The following DNAH11 variants were observed in gnomAD, a reference collection of about 807,000 sequenced individuals.
DNAH11 encodes the protein dynein axonemal heavy chain 11.
In DNAH11, 442 loss-of-function variants were observed where a neutral mutation model predicts 526.0. That is an observed-to-expected ratio of 0.84 (90% CI 0.78 to 0.91). DNAH11 has a LOEUF of 0.91. Among genes scored for constraint, DNAH11 ranks in the 40% least tolerant of loss-of-function variants. The pLI, the probability that DNAH11 is intolerant of heterozygous loss-of-function variation, is 0.00. For synonymous variants in DNAH11, 2,461 were observed against 1,935.9 expected (o/e 1.27, Z -7.12); for missense variants, 6,989 against 5,448.7 (o/e 1.28, Z -8.90).
intron 29 of DNAH11, among the ~76,000 whole-genome samples, chr7:21,657,754 A>G (rs1190732250): frequency 1.3e-5 from 2 of 152,196 alleles, no homozygotes; most frequent in African/African-American, 2.4e-5. Flanking sequence ...GCATGTTAAC[A>G]AAGCACAGTT....
intron 57 of DNAH11, among the ~76,000 whole-genome samples, chr7:21,783,781 G>A (rs1055312757): frequency 4.6e-5 from 7 of 152,160 alleles, no homozygotes; most frequent in African/African-American, 1.7e-4. Flanking sequence ...CACAAGAGGA[G>A]AGTGGGTATC....
At chr7:21,741,788 A>G in intron 48 of DNAH11, 139 bp from the exon 49 acceptor site, 1 of 953,072 alleles carries the variant, frequency 1.0e-6, no homozygotes, top group South Asian at 1.8e-5. Context: ...CACATGGCCA[A>G]CCCCAGAGTC....
At chr7:21,689,223 C>G (rs1269583194) in intron 34 of DNAH11, among the ~76,000 whole-genome samples, 1 of 152,152 alleles carries the variant, frequency 6.6e-6, no homozygotes, top group Non-Finnish European at 1.5e-5. Context: ...AGCTTTTAGT[C>G]AAAATCTTTT....
At position 21,710,641 on chromosome 7, in the gene DNAH11, C is replaced by G; in HGVS notation, c.6772C>G (p.Leu2258Val). ...GCATGATGGACCAAAATGGATAGTC[C>G]TGGATGGCGATATTGACCCCATGTG... is the stretch of plus-strand genomic sequence containing the variant. ...LKHDGPKWIV[L>V]DGDIDPMWIE... The change falls in exon 41 of 82, where the codon CTG becomes GTG. Residue 2258 changes from leucine to valine, a missense_variant. By Grantham distance (32) the Leu-to-Val change is conservative (BLOSUM62 1). Coordinates refer to ENST00000409508, the MANE Select transcript of DNAH11 (RefSeq NM_001277115.2). The G allele has an allele frequency of 1.2e-6, 2 of 1,613,302 alleles. No homozygotes were observed. Among genetic ancestry groups the G allele is most frequent in the Middle Eastern group, 1.7e-4 (1 of 6,058 alleles).
At chr7:21,730,701 G>A (rs1267694988) in intron 45 of DNAH11, among the ~76,000 whole-genome samples, 2 of 152,126 alleles carry the variant, frequency 1.3e-5, no homozygotes, top group African/African-American at 4.8e-5. Context: ...TAGGAGACTG[G>A]GGAGATGTTG....
intron 37 of DNAH11, 38 bp downstream of exon 37, chr7:21,702,840 C>A: frequency 6.4e-7 from 1 of 1,558,558 alleles, no homozygotes; most frequent in Non-Finnish European, 8.8e-7. Context: ...GAGTGAGTAG[C>A]TGGCCTGCTT....
intron 69 of DNAH11, 25 bp downstream of exon 69, chr7:21,862,048 A>G: frequency 1.9e-6 from 3 of 1,588,852 alleles, no homozygotes; most frequent in South Asian, 1.1e-5. Context: ...TACTTGAAAA[A>G]GGATCCCCAG....
chr7:21,889,953 G>A (rs1405280050), intron 76 of DNAH11, among the ~76,000 whole-genome samples: 1 of 152,172 alleles, frequency 6.6e-6, no homozygotes, highest in African/African-American at 2.4e-5. Context: ...GGGAACACAA[G>A]TCTATGTATG....
rs769511492 is a variant in DNAH11 at position 21,899,974 on chromosome 7, C to T, written c.13163-6C>T. 1 of 1,613,168 alleles carries T rather than the reference C, an allele frequency of 6.2e-7. No homozygotes were observed. The highest frequency in any genetic ancestry group is 1.1e-5 in the South Asian group (1 of 90,994). ...ATCCTATTCAATTTTTGTTATATTTCCAAAGCAATCATGCAGACGATGGCT... is the reference window on the plus strand; with the variant it reads ...ATCCTATTCAATTTTTGTTATATTTTCAAAGCAATCATGCAGACGATGGCT... On this transcript the variant is annotated splice_region_variant and splice_polypyrimidine_tract_variant and intron_variant, in intron 80 of 81. Coordinates refer to ENST00000409508, the MANE Select transcript of DNAH11 (RefSeq NM_001277115.2).
intron 65 of DNAH11, among the ~76,000 whole-genome samples, chr7:21,832,092 A>AG (rs1452193690): frequency 2.0e-5 from 3 of 152,082 alleles, no homozygotes; most frequent in African/African-American, 7.2e-5. Context: ...TCCATCTCAA[A>AG]AAAAAAAAGC....
At chr7:21,595,744 A>G (rs1784836895) in intron 14 of DNAH11, among the ~76,000 whole-genome samples, 1 of 151,882 alleles carries the variant, frequency 6.6e-6, no homozygotes, top group African/African-American at 2.4e-5. Context: ...TGAAAACACA[A>G]ATGAAGGAGG....
At chr7:21,739,223 G>A (rs1173439904) in intron 47 of DNAH11, among the ~76,000 whole-genome samples, 1 of 152,158 alleles carries the variant, frequency 6.6e-6, no homozygotes, top group African/African-American at 2.4e-5. Flanking sequence ...GGGCACTGTA[G>A]TCTGCAATCC....
chr7:21,742,423 C>T lies in DNAH11; in HGVS notation c.8154+257C>T, dbSNP rs564428145. The stretch of plus-strand genomic sequence containing the variant: ...CATTTCACATTTTGCATGGCAAGAG[C>T]AGGAGCAAGAGAGGGAGTGGAGGCA... On this transcript the variant is annotated intron_variant, in intron 49 of 81. Coordinates refer to ENST00000409508, the MANE Select transcript of DNAH11 (RefSeq NM_001277115.2). Among the ~76,000 whole-genome samples, 6 of 152,192 alleles carry T rather than the reference C, an allele frequency of 3.9e-5. No individual in the cohort carries two copies. The East Asian group carries it at 1.2e-3, about 29-fold the overall frequency.
chr7:21,588,163 G>T lies in DNAH11; in HGVS notation c.1810G>T (p.Asp604Tyr), dbSNP rs1366832855. ...TLVHMFNTEL[D>Y]VCKQLYNEHM... ...AGTGCATATGTTTAATACAGAGCTG[G>T]ATGTGTGTAAGCAACTGTATAATGA... The change falls in exon 10 of 82, where the codon GAT becomes TAT. Residue 604 changes from aspartate (D) to tyrosine (Y), a missense_variant. Coordinates refer to ENST00000409508, the MANE Select transcript of DNAH11 (RefSeq NM_001277115.2). 6.2e-7 allele frequency: 1 copy of T among 1,613,330 alleles called. No individual in the cohort carries two copies. Among genetic ancestry groups the T allele is most frequent in the Non-Finnish European group, 8.5e-7 (1 of 1,179,642 alleles).
chr7:21,733,193 C>G (rs1197371459), intron 45 of DNAH11, among the ~76,000 whole-genome samples: 1 of 152,150 alleles, frequency 6.6e-6, no homozygotes, highest in Non-Finnish European at 1.5e-5. Context: ...TCAAGACCAG[C>G]CTAGCCAACA....
intron 79 of DNAH11, among the ~76,000 whole-genome samples, chr7:21,896,941 G>A (rs557705659): frequency 6.6e-6 from 1 of 152,108 alleles, no homozygotes; most frequent in East Asian, 1.9e-4. Context: ...CAGGTGTGGT[G>A]GCATGCGACT....
At chr7:21,895,334 A>G (rs1415468654) in intron 79 of DNAH11, among the ~76,000 whole-genome samples, 1 of 152,214 alleles carries the variant, frequency 6.6e-6, no homozygotes, top group Non-Finnish European at 1.5e-5. Context: ...TTGAATGGCC[A>G]TGGAAAGCAA....
intron 34 of DNAH11, among the ~76,000 whole-genome samples, chr7:21,688,757 T>C (rs967541046): frequency 4.6e-5 from 7 of 152,266 alleles, no homozygotes; most frequent in African/African-American, 9.6e-5. Context: ...GAAATCTAAA[T>C]GCTTCTCAAC....
intron 31 of DNAH11, 139 bp from the exon 32 acceptor site, chr7:21,683,642 CTAT>C: frequency 1.3e-6 from 1 of 799,544 alleles, no homozygotes; most frequent in East Asian, 2.7e-5. Context: ...CATGTATATG[CTAT>C]TATAATTTGC....
Sources: gnomAD v4.1 joint callset for allele counts (sites outside exome capture counted in the v4.1 genomes callset) on GRCh38, gnomAD v4.1.1 for gene constraint, MANE v1.5 for transcripts, NCBI Gene and HGNC (gene_info 2026-07-23, HGNC 2026-07-21) for gene names.